Variants in MAP2K1 observed in about 807,000 individuals in gnomAD.
MAP2K1 encodes mitogen-activated protein kinase kinase 1.
A neutral mutation model predicts 46.3 loss-of-function variants in MAP2K1; 16 were observed. The ratio of observed to expected loss-of-function variants is 0.35; its 90% confidence interval spans 0.23 to 0.52. The LOEUF (loss-of-function observed/expected upper bound fraction) is 0.52. Among genes scored for constraint, MAP2K1 ranks in the 20% least tolerant of loss-of-function variants. MAP2K1 has a pLI of 0.94. For missense variants in MAP2K1, 263 were observed against 497.1 expected, an observed-to-expected ratio of 0.53 and a Z score of 4.48; for synonymous variants, 183 against 185.6, an observed-to-expected ratio of 0.99 and a Z score of 0.11.
intron 1 of MAP2K1, among the ~76,000 whole-genome samples, chr15:66,388,974 T>C (rs1361276754): frequency 6.6e-6 from 1 of 150,434 alleles, no homozygotes; most frequent in African/African-American, 2.5e-5. Context: ...TGGTGCGATC[T>C]TGGCTAACTG....
intron 1 of MAP2K1, among the ~76,000 whole-genome samples, chr15:66,392,380 T>C (rs2093358642): frequency 6.7e-6 from 1 of 148,652 alleles, no homozygotes; most frequent in African/African-American, 2.5e-5. Flanking sequence ...GGTTTCACCA[T>C]GTTGCTCAGG....
At chr15:66,418,474 T>G (rs2093429574) in intron 1 of MAP2K1, among the ~76,000 whole-genome samples, 2 of 152,328 alleles carry the variant, frequency 1.3e-5, no homozygotes, top group African/African-American at 4.8e-5. Context: ...TTAAACTATT[T>G]TTTCCTCATT....
At chr15:66,413,624 AT>A (rs35015556) in intron 1 of MAP2K1, among the ~76,000 whole-genome samples, 139,606 of 151,020 alleles carry the variant, frequency 0.92, 64,610 homozygotes, top group East Asian at 1. Flanking sequence ...TATTGTAGGC[AT>A]TTTTTTTTTT....
intron 1 of MAP2K1, among the ~76,000 whole-genome samples, chr15:66,420,867 ATGTG>A (rs1159706994): frequency 7.3e-6 from 1 of 136,058 alleles, no homozygotes; most frequent in Admixed American, 7.6e-5. Flanking sequence ...GTGTATATAT[ATGTG>A]TGTATATATA....
intron 5 of MAP2K1, among the ~76,000 whole-genome samples, chr15:66,449,091 C>G (rs1891962892): frequency 6.7e-6 from 1 of 149,872 alleles, no homozygotes; most frequent in Admixed American, 6.7e-5. Context: ...ATTAAAATTT[C>G]TTGTTAAATT....
intron 6 of MAP2K1, among the ~76,000 whole-genome samples, chr15:66,484,651 C>T (rs1013588439): frequency 1.3e-5 from 2 of 151,984 alleles, no homozygotes; most frequent in Non-Finnish European, 2.9e-5. Context: ...TGCTGGGCTT[C>T]GGACAGGCTG....
At chr15:66,427,696 G>A (rs1300670251) in intron 1 of MAP2K1, among the ~76,000 whole-genome samples, 1 of 152,000 alleles carries the variant, frequency 6.6e-6, no homozygotes, top group African/African-American at 2.4e-5. Context: ...TTTTACTGAT[G>A]AAAAACCTGA....
At chr15:66,456,021 T>C (rs1291872747) in intron 5 of MAP2K1, among the ~76,000 whole-genome samples, 1 of 152,194 alleles carries the variant, frequency 6.6e-6, no homozygotes, top group African/African-American at 2.4e-5. Flanking sequence ...TGGGTGACAT[T>C]CTGACAGTCA....
At chr15:66,457,928 A>ACTCCAGC (rs1184848649) in intron 5 of MAP2K1, among the ~76,000 whole-genome samples, 2 of 151,098 alleles carry the variant, frequency 1.3e-5, no homozygotes, top group Non-Finnish European at 2.9e-5. Context: ...GTGTCACTGC[A>ACTCCAGC]CTCCAGCCTG....
At chr15:66,397,793 C>G (rs1021674189) in intron 1 of MAP2K1, among the ~76,000 whole-genome samples, 5 of 152,104 alleles carry the variant, frequency 3.3e-5, no homozygotes, top group African/African-American at 1.2e-4. Flanking sequence ...TCTAAGACAA[C>G]TGACCTAGTC....
chr15:66,478,942 A>G (rs1385424978), intron 5 of MAP2K1, among the ~76,000 whole-genome samples: 1 of 152,172 alleles, frequency 6.6e-6, no homozygotes, highest in East Asian at 1.9e-4. Flanking sequence ...GCAGGTGTTC[A>G]GTGGACAGTA....
rs117221025 is a variant in MAP2K1, at chr15:66,466,356, A to G, written c.569-15399A>G. Among the ~76,000 whole-genome samples, 1,517 of 152,270 alleles carry G rather than the reference A, an allele frequency of 1.0e-2. 55 individuals are homozygous for G. The highest frequency in any genetic ancestry group is 0.062 in the Admixed American group (943 of 15,296). ...GGTAGAGAGAAACAAATATGCTTCAATTTTTTTCATAGGCGTATGTATACT... is the reference window on the plus strand; with the variant it reads ...GGTAGAGAGAAACAAATATGCTTCAGTTTTTTTCATAGGCGTATGTATACT... On this transcript the variant is annotated intron_variant, in intron 5 of 10. Transcript: ENST00000307102.
intron 8 of MAP2K1, 105 bp from the exon 9 acceptor site, chr15:66,489,110 A>G (rs1893151494): frequency 2.2e-6 from 2 of 890,296 alleles, no homozygotes; most frequent in Admixed American, 1.7e-5. Context: ...TGCAGAGAAG[A>G]CTTTAAAAAA....
chr15:66,477,743 C>T (rs1391835736), intron 5 of MAP2K1, among the ~76,000 whole-genome samples: 2 of 152,122 alleles, frequency 1.3e-5, no homozygotes, highest in African/African-American at 4.8e-5. Flanking sequence ...AGCCTGGTGC[C>T]GTGTGGCCTG....
chr15:66,437,388 T>G (rs1474360983), intron 3 of MAP2K1, among the ~76,000 whole-genome samples: 1 of 152,248 alleles, frequency 6.6e-6, no homozygotes, highest in Non-Finnish European at 1.5e-5. Context: ...ATATGCATGT[T>G]AGCTGCCAAT....
chr15:66,387,379 T>A lies in MAP2K1; in HGVS notation c.32T>A (p.Leu11Gln). 1 of 1,566,834 alleles carries A rather than the reference T, an allele frequency of 6.4e-7. No homozygotes were observed. The highest frequency in any genetic ancestry group is 1.2e-5 in the South Asian group (1 of 85,312). Residue 11 changes from leucine (L) to glutamine (Q), a missense_variant, in exon 1 of 11, where the codon CTG (leucine) becomes CAG (glutamine). Physicochemically the swap from Leu to Gln is moderately radical, Grantham distance 113. This residue lies in a region of MAP2K1 where 31 missense variants were observed against 29.9 expected (regional missense o/e 1.04). Coordinates refer to ENST00000307102, the MANE Select transcript of MAP2K1 (RefSeq NM_002755.4). ...AAGAAGAAGCCGACGCCCATCCAGC[T>A]GAACCCGGCCCCCGACGGCTCTGCA... MPKKKPTPIQ[L>Q]NPAPDGSAVN... is the part of the protein sequence containing the mutation.
At chr15:66,410,388 G>A (rs1022824538) in intron 1 of MAP2K1, among the ~76,000 whole-genome samples, 5 of 152,184 alleles carry the variant, frequency 3.3e-5, no homozygotes, top group Non-Finnish European at 7.4e-5. Context: ...GTGGGTTTGA[G>A]CGATAGGATT....
At chr15:66,409,120 A>T (rs2093405274) in intron 1 of MAP2K1, among the ~76,000 whole-genome samples, 1 of 152,084 alleles carries the variant, frequency 6.6e-6, no homozygotes, top group Non-Finnish European at 1.5e-5. Flanking sequence ...TTGTTCATAC[A>T]TCCATTTATT....
chr15:66,428,223 T>C (rs767298861), intron 1 of MAP2K1, among the ~76,000 whole-genome samples: 2 of 150,582 alleles, frequency 1.3e-5, no homozygotes, highest in Non-Finnish European at 3.0e-5. Flanking sequence ...ATTCCCCTCC[T>C]TCCCTATATT....
Sources: allele counts gnomAD v4.1 joint callset (sites outside exome capture counted in the v4.1 genomes callset), GRCh38; gene constraint gnomAD v4.1.1; regional missense constraint gnomAD v4.1.1; transcripts MANE v1.5; gene names NCBI Gene and HGNC (gene_info 2026-07-23, HGNC 2026-07-21).